CMTM4: variants seen among roughly 807,000 people sequenced by gnomAD.
CMTM4 encodes the protein CKLF like MARVEL transmembrane domain containing 4.
CMTM4 carries 8 observed loss-of-function variants against 19.0 expected under a neutral mutation model. That is an observed-to-expected ratio of 0.42 (90% CI 0.25 to 0.76). The LOEUF is 0.76. CMTM4 is among the 30% of genes least tolerant of loss of function. The pLI is 0.27. For synonymous variants in CMTM4, 106 were observed against 121.1 expected (o/e 0.88, Z 0.82); for missense variants, 228 against 290.2 (o/e 0.79, Z 1.56).
rs761055206 is a variant in CMTM4 at position 66,636,158 on chromosome 16, T to C, written c.363+247A>G. Among the ~76,000 whole-genome samples, 18 of 152,232 alleles carry C rather than the reference T, an allele frequency of 1.2e-4. 1 individual carries two copies. The highest frequency in any genetic ancestry group is 2.1e-4 in the Non-Finnish European group (14 of 68,046). On this transcript the variant is annotated intron_variant, in intron 2 of 3. Coordinates refer to ENST00000394106, the MANE Select transcript of CMTM4 (RefSeq NM_181521.3). The stretch of plus-strand genomic sequence containing the variant: ...CCAGTCTTCTCAGATGATTGCAAAA[T>C]TGAAATGACATCTTTAAGGTGGCCA...
the CMTM4 span, among the ~76,000 whole-genome samples, chr16:66,607,748 T>C: frequency 6.6e-6 from 1 of 151,966 alleles, no homozygotes; most frequent in African/African-American, 2.4e-5. Flanking sequence ...CTAGGTCCTG[T>C]CAGGGAGCTG....
At chr16:66,687,138 CTTTTT>C (rs35098269) in intron 1 of CMTM4, among the ~76,000 whole-genome samples, 2 of 131,300 alleles carry the variant, frequency 1.5e-5, no homozygotes. Context: ...GTGCAGAATG[CTTTTT>C]TTTTTTTTTT....
At chr16:66,653,369 C>T (rs1435439140) in intron 1 of CMTM4, among the ~76,000 whole-genome samples, 1 of 150,718 alleles carries the variant, frequency 6.6e-6, no homozygotes, top group East Asian at 2.0e-4. Context: ...GACCCACTAC[C>T]CTGGCAACCC....
chr16:66,650,035 G>C (rs547271431), intron 1 of CMTM4, among the ~76,000 whole-genome samples: 2 of 152,236 alleles, frequency 1.3e-5, no homozygotes, highest in African/African-American at 4.8e-5. Flanking sequence ...GGGAGGTATC[G>C]AGACAAAAAG....
At chr16:66,662,429 G>A (rs916927762) in intron 1 of CMTM4, among the ~76,000 whole-genome samples, 2 of 152,182 alleles carry the variant, frequency 1.3e-5, no homozygotes, top group Non-Finnish European at 2.9e-5. Flanking sequence ...TCTAGTTCTG[G>A]CCAGAAAAGT....
chr16:66,631,250 A>G (rs1269648031), intron 2 of CMTM4, among the ~76,000 whole-genome samples: 39 of 133,818 alleles, frequency 2.9e-4, no homozygotes, highest in Middle Eastern at 8.4e-3. Flanking sequence ...CGCCCCGTCC[A>G]GGAGGGAGGT....
chr16:66,630,963 G>A (rs1454242119), intron 2 of CMTM4, among the ~76,000 whole-genome samples: 2 of 150,986 alleles, frequency 1.3e-5, no homozygotes, highest in Admixed American at 6.6e-5. Flanking sequence ...CCATCTGGGA[G>A]GTGAGGAGCG....
chr16:66,693,673 A>G (rs1370069730), intron 1 of CMTM4, among the ~76,000 whole-genome samples: 2 of 152,192 alleles, frequency 1.3e-5, no homozygotes, highest in Non-Finnish European at 2.9e-5. Context: ...ATTAACAAAC[A>G]ACAGAGTTAG....
In CMTM4 at chr16:66,614,909, C is replaced by G. The variant is rs2015497260; in HGVS notation, c.*7149G>C. Reference sequence around the variant, plus strand: ...CAAGTACCATGAAAAACTGGTCCTTCAAATGAAAGGGGGAAAATTGAGGGC... The same window carrying G: ...CAAGTACCATGAAAAACTGGTCCTTGAAATGAAAGGGGGAAAATTGAGGGC... On this transcript the variant is annotated 3_prime_UTR_variant, in exon 4 of 4. Transcript: ENST00000394106. The surrounding 1 kb of genome is among the most constrained non-coding windows in gnomAD (Gnocchi z 4.9). 1 of 152,184 alleles carries G rather than the reference C, an allele frequency of 6.6e-6. No homozygotes were observed. The highest frequency in any genetic ancestry group is 6.5e-5 in the Admixed American group (1 of 15,284). 9.4% of individuals were successfully genotyped at this position (152,184 alleles called of 1,614,324 possible). A position where few individuals can be genotyped will look rare whatever the true frequency, so the allele number is the denominator to read the frequency against.
In CMTM4 at chr16:66,620,525, T is replaced by C; in HGVS notation, c.*1533A>G. 1 of 985,446 alleles carries C rather than the reference T, an allele frequency of 1.0e-6. No individual in the cohort carries two copies. The highest frequency in any genetic ancestry group is 1.7e-5 in the African/African-American group (1 of 57,346). The allele number at this position is 985,446 out of a possible 1,614,324, so 61.0% of individuals were successfully genotyped here. ...CACTGTGAGCTCAGATGCTGTCCTTTTCTGGGGAATGAGACGCCACATGTC... is the reference window on the plus strand; with the variant it reads ...CACTGTGAGCTCAGATGCTGTCCTTCTCTGGGGAATGAGACGCCACATGTC... On this transcript the variant is annotated 3_prime_UTR_variant, in exon 4 of 4. Coordinates refer to ENST00000394106, the MANE Select transcript of CMTM4 (RefSeq NM_181521.3).
intron 1 of CMTM4, among the ~76,000 whole-genome samples, chr16:66,678,982 C>T (rs879347999): frequency 6.6e-6 from 1 of 151,662 alleles, no homozygotes; most frequent in Non-Finnish European, 1.5e-5. Context: ...GCCTGTGGTC[C>T]CAGCTACTTG....
At chr16:66,606,513 CT>C in the CMTM4 span, among the ~76,000 whole-genome samples, 7,110 of 152,204 alleles carry the variant, frequency 0.047, 301 homozygotes, top group East Asian at 0.16. Flanking sequence ...TGGGGACCCC[CT>C]GGGATCCCTG....
intron 1 of CMTM4, among the ~76,000 whole-genome samples, chr16:66,677,470 G>A (rs369671574): frequency 7.2e-5 from 11 of 152,352 alleles, no homozygotes; most frequent in African/African-American, 2.6e-4. Context: ...GCAGATTTAC[G>A]TGGAGAGAAT....
At position 66,680,789 on chromosome 16, in the gene CMTM4, A is replaced by C. The variant is rs1049866627; in HGVS notation, c.186+15551T>G. Among the ~76,000 whole-genome samples, 10 of 150,282 alleles carry C rather than the reference A, an allele frequency of 6.7e-5. No individual in the cohort carries two copies. The East Asian group carries it at 1.6e-3, about 23-fold the overall frequency. ...ACTCCGTCTCAAAAAAAAAAAAAAA[A>C]AAAAAAAAAAACCATAATGGCCACC... On this transcript the variant is annotated intron_variant, in intron 1 of 3. Coordinates refer to ENST00000394106, the MANE Select transcript of CMTM4 (RefSeq NM_181521.3).
chr16:66,662,951 T>C (rs1041559090), intron 1 of CMTM4, among the ~76,000 whole-genome samples: 3 of 152,118 alleles, frequency 2.0e-5, no homozygotes, highest in African/African-American at 7.2e-5. Context: ...AGTAAAGACG[T>C]TGAGAATGAA....
chr16:66,695,499 C>A (rs74972543), intron 1 of CMTM4, among the ~76,000 whole-genome samples: 1 of 152,332 alleles, frequency 6.6e-6, no homozygotes, highest in African/African-American at 2.4e-5. Flanking sequence ...CACAACAGAG[C>A]TAAGCAATTG....
intron 1 of CMTM4, among the ~76,000 whole-genome samples, chr16:66,683,856 G>A (rs1477748714): frequency 6.6e-6 from 1 of 152,016 alleles, no homozygotes. Context: ...GAAGAACAGA[G>A]CCAAGTGGGA....
intron 1 of CMTM4, among the ~76,000 whole-genome samples, chr16:66,659,824 CTG>C (rs914427500): frequency 3.9e-5 from 6 of 152,102 alleles, no homozygotes; most frequent in African/African-American, 2.4e-5. Context: ...ATGGTGATAA[CTG>C]TAAAAGCTGG....
chr16:66,627,250 T>C (rs562899838), intron 2 of CMTM4, among the ~76,000 whole-genome samples: 2 of 152,360 alleles, frequency 1.3e-5, no homozygotes, highest in South Asian at 2.1e-4. Flanking sequence ...TAGTTATATA[T>C]TTAACATGTA....
Sources: gnomAD v4.1 joint callset for allele counts (sites outside exome capture counted in the v4.1 genomes callset) on GRCh38, gnomAD v4.1.1 for gene constraint, Gnocchi (gnomAD v3.1) non-coding constraint, MANE v1.5 for transcripts, NCBI Gene and HGNC (gene_info 2026-07-23, HGNC 2026-07-21) for gene names.